SYTL5: variants seen among roughly 807,000 people sequenced by gnomAD.
The protein encoded by SYTL5 is synaptotagmin-like protein 5.
SYTL5 carries 34 observed loss-of-function variants against 55.9 expected under a neutral mutation model. The observed-to-expected ratio is 0.61, with a 90% CI of 0.46 to 0.81. SYTL5 has a LOEUF of 0.81. Among genes scored for constraint, SYTL5 ranks in the 30% least tolerant of loss-of-function variants. The pLI is 0.00. For synonymous variants in SYTL5, 221 were observed against 188.7 expected (o/e 1.17, Z -1.40); for missense variants, 637 against 546.7 (o/e 1.17, Z -1.65).
the SYTL5 span, among the ~76,000 whole-genome samples, chrX:37,956,179 A>G: frequency 8.9e-6 from 1 of 112,156 alleles, no homozygotes; most frequent in Non-Finnish European, 1.9e-5. Context: ...CACTTTGCCT[A>G]GTTGCTGGTT....
chrX:38,122,068 T>C lies in SYTL5; in HGVS notation c.1706-12T>C. On this transcript the variant is annotated splice_polypyrimidine_tract_variant and intron_variant, in intron 14 of 16. Transcript: ENST00000297875. ...TTTCTCCACCATTCCCTCATTTTGG[T>C]GGCTGACACAGGAAATAAGACTTTT... The C allele has an allele frequency of 3.4e-6, 4 of 1,162,463 alleles. No individual in the cohort carries two copies. The highest frequency in any genetic ancestry group is 4.6e-6 in the Non-Finnish European group (4 of 868,662).
At position 38,126,702 on chromosome X, in the gene SYTL5, G is replaced by A. The variant is rs775058607; in HGVS notation, c.2165G>A (p.Arg722His). The change falls in exon 17 of 17, where the codon CGT becomes CAT. Residue 722 changes from arginine to histidine, a missense_variant. By Grantham distance (29) the Arg-to-His change is conservative. Transcript: ENST00000297875. ...GTPFEGVLML[R>H]SSMGKCRL is the part of the protein sequence containing the mutation. ...CCCTTTGAGGGTGTACTCATGCTTC[G>A]TTCCAGCATGGGAAAATGTAGGCTC... 22 of 1,209,344 alleles carry A rather than the reference G, an allele frequency of 1.8e-5. No homozygotes were observed. The highest frequency in any genetic ancestry group is 3.5e-5 in the South Asian group (2 of 56,371).
chrX:38,054,205 T>C lies in SYTL5; in HGVS notation c.120-8T>C. ...TTTTAAGTGATTTTTTTTCCCCTCT[T>C]CTTTCAGGAAGCTGAAAAATGAACT... On this transcript the variant is annotated splice_polypyrimidine_tract_variant and splice_region_variant and intron_variant, in intron 2 of 16. Coordinates refer to ENST00000297875, the MANE Select transcript of SYTL5 (RefSeq NM_138780.3). The C allele has an allele frequency of 1.7e-6, 2 of 1,197,213 alleles. No homozygotes were observed. The highest frequency in any genetic ancestry group is 2.3e-6 in the Non-Finnish European group (2 of 884,959).
At chrX:37,889,621 T>C in the SYTL5 span, among the ~76,000 whole-genome samples, 1 of 111,450 alleles carries the variant, frequency 9.0e-6, no homozygotes, top group Non-Finnish European at 1.9e-5. Context: ...TTTTATTAGA[T>C]ACATTGAAAA....
chrX:37,979,254 A>G, the SYTL5 span, among the ~76,000 whole-genome samples: 1 of 110,143 alleles, frequency 9.1e-6, no homozygotes, highest in South Asian at 4.0e-4. Flanking sequence ...AGGAGGTTAT[A>G]GTCACATTAC....
At chrX:38,047,646 A>T (rs1935504580) in intron 2 of SYTL5, among the ~76,000 whole-genome samples, 1 of 112,723 alleles carries the variant, frequency 8.9e-6, no homozygotes. Context: ...CTCATTACTT[A>T]TGCAAATTTA....
chrX:38,110,238 G>A, intron 12 of SYTL5, 83 bp from the exon 13 acceptor site: 1 of 686,561 alleles, frequency 1.5e-6, no homozygotes, highest in Non-Finnish European at 2.1e-6. Flanking sequence ...TGATCTGAAA[G>A]ATGTTGGAAG....
At chrX:38,103,789 G>T (rs148392301) in intron 10 of SYTL5, among the ~76,000 whole-genome samples, 588 of 111,056 alleles carry the variant, frequency 5.3e-3, no homozygotes, top group Non-Finnish European at 9.4e-3. Context: ...AGCCCCTAAT[G>T]TCTCAGTAAT....
the SYTL5 span, among the ~76,000 whole-genome samples, chrX:37,895,454 T>TTCCTTCCTTCCTTCCC: frequency 0.019 from 1,564 of 82,811 alleles, 29 homozygotes; most frequent in South Asian, 0.044. Context: ...CCTTCCTTCC[T>TTCCTTCCTTCCTTCCC]TCCCTCCCTC....
In SYTL5 at chrX:38,106,757, A is replaced by G. The variant is rs779110429; in HGVS notation, c.1320A>G (p.Lys440=). The change falls in exon 11 of 17, where the codon AAA becomes AAG. Residue 440 remains lysine, a synonymous_variant. Transcript: ENST00000297875. The part of the protein sequence containing the change: ...CRNLAIGDEK[K]QRTDAYVKSY... ...ATCTGGCCATAGGAGATGAAAAGAA[A>G]CAGAGGACAGATGCGTAAGCACATA... The G allele has an allele frequency of 2.5e-6, 3 of 1,199,819 alleles. No individual in the cohort carries two copies. The highest frequency in any genetic ancestry group is 3.4e-6 in the Non-Finnish European group (3 of 889,992).
intron 3 of SYTL5, among the ~76,000 whole-genome samples, chrX:38,055,157 A>G (rs1278631770): frequency 8.9e-6 from 1 of 111,857 alleles, no homozygotes; most frequent in Non-Finnish European, 1.9e-5. Context: ...TGGTTCTCAC[A>G]TGTTCAGCCT....
intron 3 of SYTL5, among the ~76,000 whole-genome samples, chrX:38,068,875 C>G (rs1307929041): frequency 9.0e-6 from 1 of 111,192 alleles, no homozygotes; most frequent in South Asian, 3.8e-4. Flanking sequence ...ACACAATATA[C>G]CCACGTAACA....
chrX:38,112,905 A>G (rs1473081833), intron 13 of SYTL5, among the ~76,000 whole-genome samples: 1 of 112,473 alleles, frequency 8.9e-6, no homozygotes, highest in Non-Finnish European at 1.9e-5. Context: ...AAGGTGAAAC[A>G]TGAGTTACAC....
At chrX:37,893,984 C>T in the SYTL5 span, among the ~76,000 whole-genome samples, 9,193 of 108,451 alleles carry the variant, frequency 0.085, 1,023 homozygotes, top group African/African-American at 0.29. Context: ...CTTTATCTTA[C>T]CCAGGTAACC....
intron 1 of SYTL5, among the ~76,000 whole-genome samples, chrX:38,022,348 A>G (rs866900843): frequency 8.9e-6 from 1 of 112,393 alleles, no homozygotes; most frequent in Non-Finnish European, 1.9e-5. Flanking sequence ...ATATTGTCTT[A>G]AAACAATACA....
intron 5 of SYTL5, 62 bp from the exon 6 acceptor site, chrX:38,076,505 G>A: frequency 2.8e-5 from 26 of 913,843 alleles, no homozygotes; most frequent in Non-Finnish European, 3.7e-5. Context: ...TTGTATTCTT[G>A]AAATGATATT....
intron 3 of SYTL5, among the ~76,000 whole-genome samples, chrX:38,066,768 A>T (rs186196804): frequency 9.0e-6 from 1 of 111,639 alleles, no homozygotes; most frequent in Non-Finnish European, 1.9e-5. Context: ...GTTGACAAGT[A>T]TGAGTTCTCT....
intron 1 of SYTL5, among the ~76,000 whole-genome samples, chrX:38,023,680 T>C (rs1934646080): frequency 9.0e-6 from 1 of 111,569 alleles, no homozygotes; most frequent in Admixed American, 9.6e-5. Context: ...TCGGTATTGC[T>C]CTCTTTTCCA....
At chrX:38,016,562 G>T (rs1934360862) in intron 1 of SYTL5, among the ~76,000 whole-genome samples, 1 of 111,922 alleles carries the variant, frequency 8.9e-6, no homozygotes, top group Non-Finnish European at 1.9e-5. Context: ...GCTTCAAGCT[G>T]CTCTCCTGGG....
Sources: gnomAD v4.1 joint callset for allele counts (sites outside exome capture counted in the v4.1 genomes callset) on GRCh38, gnomAD v4.1.1 for gene constraint, MANE v1.5 for transcripts, NCBI Gene and HGNC (gene_info 2026-07-23, HGNC 2026-07-21) for gene names.